ABL2: variants seen among roughly 807,000 people sequenced by gnomAD.
ABL2 encodes the protein tyrosine-protein kinase ABL2.
Under a neutral mutation model 107.7 loss-of-function variants are expected in ABL2, and 49 were observed. The ratio of observed to expected loss-of-function variants is 0.45; its 90% CI spans 0.36 to 0.58. ABL2 has a LOEUF of 0.58. ABL2 is among the 20% of genes least tolerant of loss of function. ABL2 has a pLI of 0.00. For synonymous variants in ABL2, 549 were observed against 548.6 expected, an observed-to-expected ratio of 1.00 and a Z score of -0.01; for missense variants, 1,245 against 1,457.0, an observed-to-expected ratio of 0.85 and a Z score of 2.37.
At chr1:179,159,921 C>A (rs1178999523) in intron 1 of ABL2, among the ~76,000 whole-genome samples, 1 of 152,122 alleles carries the variant, frequency 6.6e-6, no homozygotes, top group African/African-American at 2.4e-5. Context: ...CAAGACTGGC[C>A]TGGCCAACGT....
chr1:179,127,779 C>T (rs769232704), intron 3 of ABL2, among the ~76,000 whole-genome samples: 2 of 151,922 alleles, frequency 1.3e-5, no homozygotes, highest in Non-Finnish European at 2.9e-5. Context: ...TGCCTGTAAT[C>T]CCAGCACTTT....
intron 1 of ABL2, among the ~76,000 whole-genome samples, chr1:179,168,198 C>T (rs910982649): frequency 1.6e-4 from 24 of 152,278 alleles, no homozygotes; most frequent in African/African-American, 5.3e-4. Context: ...AGTTGTCCCA[C>T]GGTTTCCACA....
chr1:179,135,653 GGGTCAGCCCCCCGCCT>G (rs1656841435), intron 1 of ABL2, among the ~76,000 whole-genome samples: 1 of 149,912 alleles, frequency 6.7e-6, no homozygotes, highest in African/African-American at 2.5e-5. Flanking sequence ...GGAGGTGAGG[GGGTCAGCCCCCCGCCT>G]GGCCAGCCGC....
chr1:179,116,687 T>A (rs1654665465), intron 8 of ABL2: 1 of 152,800 alleles, frequency 6.5e-6, no homozygotes, highest in East Asian at 1.9e-4. Context: ...ATTTTGTATT[T>A]TTAGTAGACA....
At chr1:179,125,552 ATGTC>A (rs1655655588) in intron 4 of ABL2, among the ~76,000 whole-genome samples, 1 of 152,230 alleles carries the variant, frequency 6.6e-6, no homozygotes, top group Non-Finnish European at 1.5e-5. Flanking sequence ...GAAACATACT[ATGTC>A]TGTATGCTGG....
In ABL2 at chr1:179,143,063, A is replaced by C. The variant is rs763742924; in HGVS notation, c.158-9689T>G. 8 of 1,613,216 alleles carry C rather than the reference A, an allele frequency of 5.0e-6. No homozygotes were observed. The South Asian group carries it at 7.7e-5, about 16-fold the overall frequency. ...GGACCATACCTCTGCCCAGAAGCAC[A>C]AAAGTTAAACTGTTCTGTGTAAAGA... On this transcript the variant is annotated intron_variant, in intron 1 of 11. Coordinates refer to ENST00000502732, the MANE Select transcript of ABL2 (RefSeq NM_007314.4).
At chr1:179,170,606 T>C (rs1009230268) in intron 1 of ABL2, among the ~76,000 whole-genome samples, 3 of 151,994 alleles carry the variant, frequency 2.0e-5, no homozygotes, top group Non-Finnish European at 2.9e-5. Flanking sequence ...TATTTATTTA[T>C]TTATTTTGAG....
chr1:179,158,674 G>A (rs1416358957), intron 1 of ABL2, among the ~76,000 whole-genome samples: 1 of 152,166 alleles, frequency 6.6e-6, no homozygotes, highest in African/African-American at 2.4e-5. Context: ...CCAGACATGG[G>A]TAGCGCACAC....
chr1:179,110,977 T>TG, intron 10 of ABL2: 2 of 1,313,400 alleles, frequency 1.5e-6, no homozygotes, highest in South Asian at 1.4e-5. Context: ...TTATTATTTT[T>TG]GGCTTTTTTT....
At position 179,128,995 on chromosome 1, in the gene ABL2, TA is replaced by T. The variant is rs952633826; in HGVS notation, c.391+2315del. The stretch of plus-strand genomic sequence containing the variant: ...CCACTGCGCTTGGCTGGTAGAACTT[TA>T]AAAAAAAAAAATTCAAGCAAAATAT... On this transcript the variant is annotated intron_variant, in intron 3 of 11. Coordinates refer to ENST00000502732, the MANE Select transcript of ABL2 (RefSeq NM_007314.4). 3.7e-4 allele frequency among the ~76,000 whole-genome samples: 54 copies of T among 147,414 alleles called. No homozygotes were observed. In the East Asian group the frequency reaches 6.1e-3, roughly 17 times the overall value.
At position 179,107,876 on chromosome 1, in the gene ABL2, G is replaced by C; in HGVS notation, c.3391C>G (p.Arg1131Gly). Residue 1131 changes from arginine (R) to glycine (G), a missense_variant, in exon 12 of 12, where the codon CGC becomes GGC. This residue lies in a region of ABL2 where 761 missense variants were observed against 766.4 expected (regional missense o/e 0.99). Coordinates refer to ENST00000502732, the MANE Select transcript of ABL2 (RefSeq NM_007314.4). ...GCCTCTCGGAAGGCAAATTTGTTGC[G>C]AGTTTGAGGGATGCAGTCCACATAG... ...SGYVDCIPQT[R>G]NKFAFREAVS... The C allele has an allele frequency of 6.2e-7, 1 of 1,614,214 alleles. No individual in the cohort carries two copies. The highest frequency in any genetic ancestry group is 8.5e-7 in the Non-Finnish European group (1 of 1,180,036).
chr1:179,210,503 CAAA>C (rs113814284), intron 1 of ABL2, among the ~76,000 whole-genome samples: 5 of 94,118 alleles, frequency 5.3e-5, no homozygotes, highest in Admixed American at 1.2e-4. Context: ...CTCTAACTCA[CAAA>C]AAAAAAAAAA....
Position 179,146,615 on chromosome 1 carries a change from G to C in ABL2, c.158-13241C>G, listed in dbSNP as rs139348881. On this transcript the variant is annotated intron_variant, in intron 1 of 11. Transcript: ENST00000502732. The stretch of plus-strand genomic sequence containing the variant: ...TCCCCATAAATCCCTACGTGTCAAG[G>C]GCAGGATCAGGCGGAGATAATCGGA... Among the ~76,000 whole-genome samples the C allele has an allele frequency of 2.3e-3, 343 of 152,086 alleles. 4 individuals are homozygous for C. The highest frequency in any genetic ancestry group is 7.6e-3 in the African/African-American group (317 of 41,470).
chr1:179,208,277 C>T (rs561158225), intron 1 of ABL2, among the ~76,000 whole-genome samples: 3 of 152,196 alleles, frequency 2.0e-5, no homozygotes, highest in African/African-American at 7.2e-5. Context: ...CGGTGCCCAA[C>T]AGGTTTTTCA....
At chr1:179,224,501 T>C (rs1413399228) in intron 1 of ABL2, among the ~76,000 whole-genome samples, 1 of 152,010 alleles carries the variant, frequency 6.6e-6, no homozygotes, top group African/African-American at 2.4e-5. Context: ...ACTCCTGACC[T>C]CAGGTGATCT....
chr1:179,134,920 C>T (rs978992489), intron 1 of ABL2, among the ~76,000 whole-genome samples: 2 of 152,212 alleles, frequency 1.3e-5, no homozygotes, highest in Non-Finnish European at 2.9e-5. Context: ...TTGGTGGAGA[C>T]GGGGTTTCGC....
chr1:179,204,943 C>A (rs1214172859), intron 1 of ABL2, among the ~76,000 whole-genome samples: 1 of 151,774 alleles, frequency 6.6e-6, no homozygotes, highest in Non-Finnish European at 1.5e-5. Flanking sequence ...GTGTCTCCAA[C>A]GAAGGGGCTC....
chr1:179,165,188 T>C (rs1659307593), intron 1 of ABL2, among the ~76,000 whole-genome samples: 1 of 152,182 alleles, frequency 6.6e-6, no homozygotes, highest in African/African-American at 2.4e-5. Context: ...AATTTATCAA[T>C]GTATTAATTA....
intron 1 of ABL2, among the ~76,000 whole-genome samples, chr1:179,147,208 A>C (rs997638779): frequency 2.7e-5 from 4 of 148,144 alleles, no homozygotes; most frequent in African/African-American, 7.5e-5. Flanking sequence ...AAAAAAAAAA[A>C]CCAACTGATG....
Sources: allele counts gnomAD v4.1 joint callset (sites outside exome capture counted in the v4.1 genomes callset), GRCh38; gene constraint gnomAD v4.1.1; regional missense constraint gnomAD v4.1.1; transcripts MANE v1.5; gene names NCBI Gene and HGNC (gene_info 2026-07-23, HGNC 2026-07-21).